The following FAM169A variants were observed in gnomAD, a reference collection of about 807,000 sequenced individuals.
FAM169A encodes soluble lamin-associated protein of 75 kDa.
FAM169A carries 24 observed loss-of-function variants against 75.7 expected under a neutral mutation model. That is an observed-to-expected ratio of 0.32 (90% CI 0.23 to 0.45). The LOEUF (loss-of-function observed/expected upper bound fraction) is 0.45. Among genes scored for constraint, FAM169A ranks in the 20% least tolerant of loss-of-function variants. The pLI is 1.00. For missense variants in FAM169A, 673 were observed against 784.0 expected, an observed-to-expected ratio of 0.86 and a Z score of 1.69; for synonymous variants, 271 against 271.0, an observed-to-expected ratio of 1.00 and a Z score of 0.00.
chr5:74,859,120 A>T (rs1749901366), intron 1 of FAM169A, among the ~76,000 whole-genome samples: 1 of 151,394 alleles, frequency 6.6e-6, no homozygotes, highest in South Asian at 2.1e-4. Flanking sequence ...AGGCTGAGGC[A>T]GGAGAATTGC....
At chr5:74,783,561 T>G (rs1464875376) in intron 11 of FAM169A, among the ~76,000 whole-genome samples, 1 of 152,186 alleles carries the variant, frequency 6.6e-6, no homozygotes, top group Admixed American at 6.5e-5. Context: ...ATCTGGAATC[T>G]ATGGGAAATT....
upstream of FAM169A, chr5:74,866,603 C>T: frequency 4.7e-6 from 3 of 643,438 alleles, no homozygotes; most frequent in Non-Finnish European, 5.8e-6. Flanking sequence ...CCCCTCTCTC[C>T]GCCCCGGCCG....
At position 74,780,199 on chromosome 5, in the gene FAM169A, C is replaced by G. The variant is rs2112443632; in HGVS notation, c.*1261G>C. ...TTAACAGGCCAGCTTGCAACCAGTA[C>G]TCAGTACAAATCAAAGGATGATTGA... is the stretch of plus-strand genomic sequence containing the variant. On this transcript the variant is annotated 3_prime_UTR_variant, in exon 13 of 13. Coordinates refer to ENST00000687041, the MANE Select transcript of FAM169A (RefSeq NM_001376049.1). 6.6e-6 allele frequency: 1 copy of G among 152,236 alleles called. No individual in the cohort carries two copies. The highest frequency in any genetic ancestry group is 1.5e-5 in the Non-Finnish European group (1 of 68,016). The allele number at this position is 152,236 out of a possible 1,614,324, so 9.4% of individuals were successfully genotyped here. A position where few individuals can be genotyped will look rare whatever the true frequency, so the allele number is the denominator to read the frequency against.
chr5:74,824,490 CAG>C (rs1747915598), intron 5 of FAM169A, among the ~76,000 whole-genome samples: 1 of 152,130 alleles, frequency 6.6e-6, no homozygotes, highest in African/African-American at 2.4e-5. Context: ...AGCCCTTTAA[CAG>C]ATAGTCCTTA....
chr5:74,829,833 C>T (rs1748220584), intron 5 of FAM169A, among the ~76,000 whole-genome samples: 2 of 151,906 alleles, frequency 1.3e-5, no homozygotes, highest in Non-Finnish European at 2.9e-5. Flanking sequence ...ATTAGCCGGG[C>T]GTAATGGCAC....
intron 5 of FAM169A, among the ~76,000 whole-genome samples, chr5:74,823,630 T>A (rs1483675085): frequency 6.6e-6 from 1 of 152,164 alleles, no homozygotes; most frequent in African/African-American, 2.4e-5. Context: ...GTCAACTCTA[T>A]CTCTCGAATA....
At chr5:74,866,462 G>A, upstream of FAM169A, 1 of 848,674 alleles carries the variant, frequency 1.2e-6, no homozygotes, top group Non-Finnish European at 1.4e-6. Flanking sequence ...CCGCCAGCGC[G>A]GAGCGGCCCC....
chr5:74,801,684 G>T, intron 8 of FAM169A, 55 bp from the exon 9 acceptor site: 2 of 1,297,156 alleles, frequency 1.5e-6, no homozygotes, highest in Admixed American at 2.0e-5. Flanking sequence ...TCTCCCTATG[G>T]ATCTATTTCA....
At chr5:74,845,388 C>T (rs1192488458) in intron 1 of FAM169A, among the ~76,000 whole-genome samples, 1 of 151,932 alleles carries the variant, frequency 6.6e-6, no homozygotes, top group Non-Finnish European at 1.5e-5. Flanking sequence ...CGTGGTAGTG[C>T]GTGTCTGTAG....
chr5:74,847,118 G>C (rs778782424), intron 1 of FAM169A, among the ~76,000 whole-genome samples: 15 of 152,014 alleles, frequency 9.9e-5, no homozygotes, highest in Non-Finnish European at 1.8e-4. Context: ...TCCCATCCCT[G>C]CTCCCCTTTT....
At chr5:74,853,374 T>C (rs1749542259) in intron 1 of FAM169A, among the ~76,000 whole-genome samples, 1 of 152,222 alleles carries the variant, frequency 6.6e-6, no homozygotes, top group Non-Finnish European at 1.5e-5. Flanking sequence ...AATGATCCTA[T>C]GAATCAGGTA....
chr5:74,859,144 G>C (rs1233864004), intron 1 of FAM169A, among the ~76,000 whole-genome samples: 1 of 151,780 alleles, frequency 6.6e-6, no homozygotes, highest in Admixed American at 6.6e-5. Context: ...AACCCGGGAG[G>C]CGGAGGGTGC....
chr5:74,802,630 T>C (rs1338439724), intron 8 of FAM169A, among the ~76,000 whole-genome samples: 1 of 152,126 alleles, frequency 6.6e-6, no homozygotes, highest in Non-Finnish European at 1.5e-5. Context: ...CTATAGTATA[T>C]TATATATTTC....
At chr5:74,862,205 AAGAG>A (rs775575751) in intron 1 of FAM169A, among the ~76,000 whole-genome samples, 11 of 152,166 alleles carry the variant, frequency 7.2e-5, no homozygotes, top group Non-Finnish European at 1.3e-4. Context: ...TCTTCCTAAA[AAGAG>A]AGAGAGAACC....
intron 1 of FAM169A, among the ~76,000 whole-genome samples, chr5:74,863,318 T>C (rs536689389): frequency 2.0e-4 from 30 of 152,334 alleles, no homozygotes; most frequent in African/African-American, 7.0e-4. Flanking sequence ...CTACCACCAC[T>C]GAGGCATACC....
At chr5:74,837,388 C>T (rs566223339) in intron 4 of FAM169A, among the ~76,000 whole-genome samples, 3 of 152,070 alleles carry the variant, frequency 2.0e-5, no homozygotes, top group Non-Finnish European at 2.9e-5. Context: ...ACACATTCTC[C>T]GAGCCTTCAG....
In FAM169A at chr5:74,777,678, C is replaced by G. The variant is rs1005087738; in HGVS notation, c.*3782G>C. ...AAGTCATTCAATGTCTAAACAAATT[C>G]AGTATCTGAAACATCTTCATGAGGA... On this transcript the variant is annotated 3_prime_UTR_variant, in exon 13 of 13. Coordinates refer to ENST00000687041, the MANE Select transcript of FAM169A (RefSeq NM_001376049.1). The G allele has an allele frequency of 5.9e-5, 9 of 151,556 alleles. No individual in the cohort carries two copies. The allele number at this position is 151,556 out of a possible 1,614,324, so 9.4% of individuals were successfully genotyped here.
chr5:74,839,690 A>C (rs1323094424), intron 3 of FAM169A, among the ~76,000 whole-genome samples: 1 of 151,890 alleles, frequency 6.6e-6, no homozygotes, highest in Non-Finnish European at 1.5e-5. Context: ...ACGCCCAGCT[A>C]ATTTTGTATT....
At chr5:74,864,518 G>A (rs765664679) in intron 1 of FAM169A, among the ~76,000 whole-genome samples, 1 of 152,158 alleles carries the variant, frequency 6.6e-6, no homozygotes, top group Non-Finnish European at 1.5e-5. Flanking sequence ...GTGAGCCACC[G>A]CACCCGGCCT....
Sources: allele counts gnomAD v4.1 joint callset (sites outside exome capture counted in the v4.1 genomes callset), GRCh38; gene constraint gnomAD v4.1.1; transcripts MANE v1.5; gene names NCBI Gene and HGNC (gene_info 2026-07-23, HGNC 2026-07-21).